Variants in VAC14 observed in about 807,000 individuals in gnomAD.
VAC14 encodes VAC14 component of PIKFYVE complex.
A neutral mutation model predicts 85.3 loss-of-function variants in VAC14; 47 were observed. That is an observed-to-expected ratio of 0.55 (90% CI 0.44 to 0.70). VAC14 has a LOEUF of 0.70. Ranked by LOEUF, VAC14 falls within the 30% of genes least tolerant of loss-of-function variation. The pLI is 0.00. For synonymous variants in VAC14, 447 were observed against 430.5 expected (o/e 1.04, Z -0.47); for missense variants, 861 against 1,004.3 (o/e 0.86, Z 1.93).
intron 13 of VAC14, among the ~76,000 whole-genome samples, chr16:70,737,437 TGAGGGGCCCAGGA>T (rs926798365): frequency 1.1e-4 from 16 of 152,238 alleles, no homozygotes; most frequent in African/African-American, 3.6e-4. Flanking sequence ...AGGCTCTCTT[TGAGGGGCCCAGGA>T]GAGTGGGATT....
At chr16:70,736,769 C>T (rs2054766762) in intron 13 of VAC14, among the ~76,000 whole-genome samples, 1 of 152,318 alleles carries the variant, frequency 6.6e-6, no homozygotes, top group East Asian at 1.9e-4. Context: ...GCTCCCAAGG[C>T]TTAAAGACTT....
intron 14 of VAC14, among the ~76,000 whole-genome samples, chr16:70,712,944 G>C (rs970906435): frequency 6.6e-6 from 1 of 152,184 alleles, no homozygotes; most frequent in African/African-American, 2.4e-5. Flanking sequence ...GCCTGGCCAC[G>C]ATAGTGGAGC....
intron 10 of VAC14, 169 bp downstream of exon 10, chr16:70,771,940 A>G: frequency 1.6e-6 from 1 of 637,412 alleles, no homozygotes; most frequent in Non-Finnish European, 2.7e-6. Context: ...GGGCTTGCTC[A>G]GTGTCCTTCA....
chr16:70,737,593 C>T (rs914181753), intron 13 of VAC14, among the ~76,000 whole-genome samples: 1 of 152,140 alleles, frequency 6.6e-6, no homozygotes, highest in African/African-American at 2.4e-5. Context: ...GTGCACGTGA[C>T]CGGCGGCTGG....
At chr16:70,727,924 A>G (rs1053977988) in intron 14 of VAC14, among the ~76,000 whole-genome samples, 1 of 152,192 alleles carries the variant, frequency 6.6e-6, no homozygotes, top group Non-Finnish European at 1.5e-5. Flanking sequence ...CAGCTGGGCC[A>G]GGTGGCTGTC....
At chr16:70,698,064 T>C (rs1161656692) in intron 15 of VAC14, among the ~76,000 whole-genome samples, 1 of 152,168 alleles carries the variant, frequency 6.6e-6, no homozygotes, top group Non-Finnish European at 1.5e-5. Flanking sequence ...GTGAGTGTCC[T>C]TTCTGCTCTC....
At chr16:70,692,676 G>GC in intron 18 of VAC14, 145 bp downstream of exon 18, 1 of 1,105,424 alleles carries the variant, frequency 9.0e-7, no homozygotes, top group Non-Finnish European at 1.3e-6. Context: ...GGCTGCGGGG[G>GC]GGATGGTGGT....
At chr16:70,693,852 G>A (rs2053649806) in intron 17 of VAC14, among the ~76,000 whole-genome samples, 1 of 152,222 alleles carries the variant, frequency 6.6e-6, no homozygotes, top group South Asian at 2.1e-4. Context: ...CACCCCTGGA[G>A]CGGCCACACA....
At chr16:70,692,549 C>G (rs993702455) in intron 18 of VAC14, among the ~76,000 whole-genome samples, 1 of 152,196 alleles carries the variant, frequency 6.6e-6, no homozygotes, top group Non-Finnish European at 1.5e-5. Context: ...TTTGCATAGC[C>G]TCACTGAGCT....
chr16:70,694,012 G>A (rs529000903), intron 17 of VAC14, among the ~76,000 whole-genome samples: 2 of 152,172 alleles, frequency 1.3e-5, no homozygotes, highest in African/African-American at 4.8e-5. Flanking sequence ...GCAGAAGCGC[G>A]AGCCTGTTTC....
chr16:70,710,038 C>T (rs577092025), intron 14 of VAC14, among the ~76,000 whole-genome samples: 10 of 152,332 alleles, frequency 6.6e-5, no homozygotes, highest in Admixed American at 2.0e-4. Flanking sequence ...CCAGCCCTGC[C>T]CACGAGGAGG....
chr16:70,772,196 G>A lies in VAC14; in HGVS notation c.1097-24C>T, dbSNP rs187571628. The A allele has an allele frequency of 7.1e-5, 114 of 1,606,778 alleles. No individual in the cohort carries two copies. The African/African-American group carries it at 1.3e-3, about 18-fold the overall frequency. On this transcript the variant is annotated intron_variant, in intron 9 of 18. Transcript: ENST00000261776. ...TCCTGGGAGAGGAAGAGGAACAAGGGGTCATGAAAGGCTGTTGGCTCTCTT... is the reference window on the plus strand; with the variant it reads ...TCCTGGGAGAGGAAGAGGAACAAGGAGTCATGAAAGGCTGTTGGCTCTCTT...
intron 1 of VAC14, among the ~76,000 whole-genome samples, chr16:70,786,673 A>G (rs981754663): frequency 1.3e-5 from 2 of 152,232 alleles, no homozygotes; most frequent in African/African-American, 4.8e-5. Flanking sequence ...CAGTTGATCA[A>G]CTGTCTTTAT....
intron 14 of VAC14, among the ~76,000 whole-genome samples, chr16:70,730,014 C>T (rs769402415): frequency 5.3e-5 from 8 of 152,024 alleles, no homozygotes; most frequent in Non-Finnish European, 1.2e-4. Flanking sequence ...GGGCTCCCAC[C>T]TCGGGGACTG....
intron 14 of VAC14, among the ~76,000 whole-genome samples, chr16:70,726,811 T>A (rs922352563): frequency 7.9e-5 from 12 of 152,192 alleles, no homozygotes; most frequent in African/African-American, 2.9e-4. Flanking sequence ...ATGAAGGTTT[T>A]AAAGCCACTG....
intron 18 of VAC14, chr16:70,691,256 T>G (rs2053590128): frequency 1.0e-6 from 1 of 985,304 alleles, no homozygotes; most frequent in Non-Finnish European, 1.2e-6. Flanking sequence ...GAGGCTGGGC[T>G]GGCTCCCTGG....
intron 14 of VAC14, chr16:70,714,388 G>A (rs959947398): frequency 6.6e-6 from 1 of 152,234 alleles, no homozygotes; most frequent in African/African-American, 2.4e-5. Flanking sequence ...GGGGGCCCAG[G>A]AGAAGCAGAA....
At position 70,762,621 on chromosome 16, in the gene VAC14, G is replaced by A. The variant is rs2032489668; in HGVS notation, c.1306-16C>T. The A allele has an allele frequency of 6.2e-7, 1 of 1,613,756 alleles. No homozygotes were observed. The highest frequency in any genetic ancestry group is 1.3e-5 in the African/African-American group (1 of 74,946). ...GCCGGAACATCTGGAGGGCAGAGAA[G>A]CAGGGGTGCCCGTGAGTGCTCCCTT... On this transcript the variant is annotated splice_polypyrimidine_tract_variant and intron_variant, in intron 11 of 18. Transcript: ENST00000261776. The surrounding 1 kb of genome is among the most constrained non-coding windows in gnomAD (Gnocchi z 4.1).
In VAC14 at chr16:70,697,805, C is replaced by T. The variant is rs560259153; in HGVS notation, c.1837-548G>A. ...AAGGAACCACAGGAGGGAGGCAGGGCTGTGGCCTGGATCGTGCAGAGCCAC... is the reference window on the plus strand; with the variant it reads ...AAGGAACCACAGGAGGGAGGCAGGGTTGTGGCCTGGATCGTGCAGAGCCAC... On this transcript the variant is annotated intron_variant, in intron 15 of 18. Coordinates refer to ENST00000261776, the MANE Select transcript of VAC14 (RefSeq NM_018052.5). Among the ~76,000 whole-genome samples the T allele has an allele frequency of 7.9e-5, 12 of 152,354 alleles. No individual in the cohort carries two copies. In the South Asian group the frequency reaches 2.5e-3, roughly 32 times the overall value.
Sources: allele counts gnomAD v4.1 joint callset (sites outside exome capture counted in the v4.1 genomes callset), GRCh38; gene constraint gnomAD v4.1.1; non-coding constraint Gnocchi (gnomAD v3.1); transcripts MANE v1.5; gene names NCBI Gene and HGNC (gene_info 2026-07-23, HGNC 2026-07-21).